The following PGAP4 variants were observed in gnomAD, a reference collection of about 807,000 sequenced individuals.
PGAP4 encodes the protein GPI-N-acetylgalactosamine transferase PGAP4.
A neutral mutation model predicts 28.2 loss-of-function variants in PGAP4; 12 were observed. That is an observed-to-expected ratio of 0.42 (90% CI 0.27 to 0.69). PGAP4 has a LOEUF of 0.69. Ranked by LOEUF, PGAP4 falls within the 30% of genes least tolerant of loss-of-function variation. PGAP4 has a pLI of 0.22. For missense variants in PGAP4, 425 were observed against 513.5 expected (o/e 0.83, Z 1.67); for synonymous variants, 205 against 211.8 (o/e 0.97, Z 0.28).
chr9:101,506,952 G>T (rs13284984), intron 2 of PGAP4, among the ~76,000 whole-genome samples: 1 of 151,852 alleles, frequency 6.6e-6, no homozygotes, highest in African/African-American at 2.4e-5. Context: ...CCATTTTCCC[G>T]TGGTTCCAAA....
At position 101,523,619 on chromosome 9, in the gene PGAP4, C is replaced by CTTTTTTTTTTTTTTTTTTT. The variant is rs71356369; in HGVS notation, c.-165+7710_-165+7728dup. Among the ~76,000 whole-genome samples, 144 of 59,336 alleles carry CTTTTTTTTTTTTTTTTTTT rather than the reference C, an allele frequency of 2.4e-3. 18 individuals carry two copies. Among genetic ancestry groups the CTTTTTTTTTTTTTTTTTTT allele is most frequent in the East Asian group, 3.8e-3 (9 of 2,394 alleles). 38.9% of individuals were successfully genotyped at this position (59,336 alleles called of 152,430 possible). On this transcript the variant is annotated intron_variant, in intron 2 of 3. Transcript: ENST00000374851. ...ACATTTCTCCCCTCACTTCTTGTAT[C>CTTTTTTTTTTTTTTTTTTT]TTTTTTTTTTTTTTTTTTTTTTTTT... is the stretch of plus-strand genomic sequence containing the variant.
chr9:101,526,126 C>T (rs575890793), intron 2 of PGAP4, among the ~76,000 whole-genome samples: 1 of 152,198 alleles, frequency 6.6e-6, no homozygotes, highest in South Asian at 2.1e-4. Context: ...CATATTTTAG[C>T]ATTTAACAGC....
At chr9:101,481,735 G>A (rs1361367802) in intron 1 of PGAP4, among the ~76,000 whole-genome samples, 3 of 152,168 alleles carry the variant, frequency 2.0e-5, no homozygotes, top group South Asian at 2.1e-4. Flanking sequence ...CACAATACCA[G>A]GGTGTGAGTC....
chr9:101,491,402 C>G (rs952055033), upstream of PGAP4, among the ~76,000 whole-genome samples: 3 of 152,038 alleles, frequency 2.0e-5, no homozygotes, highest in African/African-American at 7.2e-5. Flanking sequence ...ACAGTTTGAG[C>G]ACTTAACATG....
Position 101,476,198 on chromosome 9 carries a change from G to C in PGAP4, c.895C>G (p.Leu299Val). The change falls in exon 2 of 2, where the codon CTG becomes GTG. Residue 299 changes from leucine (L) to valine (V), a missense_variant. Transcript: ENST00000374848. The surrounding 1 kb of genome is among the most constrained non-coding windows in gnomAD (Gnocchi z 7.0). ...FSWPVMLFFS[L>V]YSMGLVELVG... ...AGCTCCACCAGACCCATGCTATACA[G>C]GGAGAAGAAGAGCATTACAGGCCAG... The C allele has an allele frequency of 6.2e-7, 1 of 1,614,194 alleles. No homozygotes were observed. Among genetic ancestry groups the C allele is most frequent in the Non-Finnish European group, 8.5e-7 (1 of 1,180,046 alleles).
chr9:101,515,798 A>C (rs754912627), intron 2 of PGAP4, among the ~76,000 whole-genome samples: 8 of 152,188 alleles, frequency 5.3e-5, no homozygotes, highest in Non-Finnish European at 7.4e-5. Context: ...TGATATTTTC[A>C]TATCTTTGAA....
chr9:101,487,932 C>T (rs1377527514), upstream of PGAP4, among the ~76,000 whole-genome samples: 3 of 152,108 alleles, frequency 2.0e-5, no homozygotes, highest in Admixed American at 2.0e-4. Flanking sequence ...TGACAGAGAC[C>T]TTATGACCCA....
At position 101,477,920 on chromosome 9, in the gene PGAP4, CG is replaced by C. The variant is rs543881312; in HGVS notation, c.-77-752del. 8.0e-3 allele frequency among the ~76,000 whole-genome samples: 1,189 copies of C among 148,756 alleles called. 14 individuals are homozygous for C. The highest frequency in any genetic ancestry group is 0.028 in the African/African-American group (1,127 of 40,364). On this transcript the variant is annotated intron_variant, in intron 1 of 1. Coordinates refer to ENST00000374848, the MANE Select transcript of PGAP4 (RefSeq NM_032342.3). ...CATGAGTAGCTTTTCAATGAGGGAG[CG>C]GGGGGGGAAAGGCAGAGGTGAATAT...
rs1323492426 is a variant in PGAP4 at position 101,509,161 on chromosome 9, G to A, written c.-164-19961C>T. ...CCCAGTCTGGGGGTCTTTTGTGGTT[G>A]GGAAGTAATGCTCAGACTCTTTTGA... On this transcript the variant is annotated intron_variant, in intron 2 of 3. Transcript: ENST00000374851. 2.0e-5 allele frequency among the ~76,000 whole-genome samples: 3 copies of A among 152,274 alleles called. No individual in the cohort carries two copies. The East Asian group carries it at 5.8e-4, about 29-fold the overall frequency.
chr9:101,493,111 G>A (rs62575811), intron 2 of PGAP4, among the ~76,000 whole-genome samples: 13,205 of 151,844 alleles, frequency 0.087, 631 homozygotes, highest in Middle Eastern at 0.14. Flanking sequence ...AAAATTAGCC[G>A]GGTGTGGTGG....
At chr9:101,499,047 C>T (rs1255471091) in intron 2 of PGAP4, among the ~76,000 whole-genome samples, 2 of 151,690 alleles carry the variant, frequency 1.3e-5, no homozygotes, top group Admixed American at 6.6e-5. Context: ...CCTCACAGAC[C>T]GAATGTAAAT....
intron 2 of PGAP4, among the ~76,000 whole-genome samples, chr9:101,510,369 T>C (rs959802400): frequency 2.0e-5 from 3 of 150,248 alleles, no homozygotes; most frequent in Non-Finnish European, 4.4e-5. Flanking sequence ...ATTGCTTCTG[T>C]TCGTTATGTT....
In PGAP4 at chr9:101,486,623, C is replaced by A. The variant is rs1826621290; in HGVS notation, c.-78+326G>T. On this transcript the variant is annotated intron_variant, in intron 1 of 1. Coordinates refer to ENST00000374848, the MANE Select transcript of PGAP4 (RefSeq NM_032342.3). The surrounding 1 kb of genome is among the most constrained non-coding windows in gnomAD (Gnocchi z 4.7). ...TCTATTGACCTGTCAGCGCAGCTGG[C>A]GCAGGCAAGGGCCAGGGAGGCGCCC... 1.3e-5 allele frequency among the ~76,000 whole-genome samples: 2 copies of A among 152,174 alleles called. No individual in the cohort carries two copies. The highest frequency in any genetic ancestry group is 2.1e-4 in the South Asian group (1 of 4,834).
chr9:101,514,744 A>T (rs1328567631), intron 2 of PGAP4, among the ~76,000 whole-genome samples: 1 of 152,100 alleles, frequency 6.6e-6, no homozygotes, highest in Non-Finnish European at 1.5e-5. Context: ...ATAAGGTGGC[A>T]CCTCTCTCAT....
At chr9:101,524,753 G>T (rs998610123) in intron 2 of PGAP4, among the ~76,000 whole-genome samples, 6 of 152,160 alleles carry the variant, frequency 3.9e-5, no homozygotes, top group Non-Finnish European at 4.4e-5. Flanking sequence ...CTTCAGTGAG[G>T]GTATGTGTTC....
exon 1 of PGAP4, chr9:101,533,287 C>T (rs1041272705): frequency 3.9e-5 from 6 of 152,002 alleles, no homozygotes; most frequent in African/African-American, 1.4e-4. Context: ...ATGAGGGGAA[C>T]GCTTTTTTAA....
intron 2 of PGAP4, among the ~76,000 whole-genome samples, chr9:101,527,258 GC>G (rs1255773317): frequency 1.3e-5 from 2 of 152,270 alleles, no homozygotes; most frequent in Middle Eastern, 3.4e-3. Context: ...AATGTAATCA[GC>G]CTTTTTCTTT....
Position 101,530,729 on chromosome 9 carries a change from A to G in PGAP4, c.-165+619T>C, listed in dbSNP as rs539222295. 7.2e-5 allele frequency among the ~76,000 whole-genome samples: 11 copies of G among 152,330 alleles called. No individual in the cohort carries two copies. In the East Asian group the frequency reaches 1.7e-3, roughly 24 times the overall value. ...TGAGACAGGCTACTTTGAAGATGTC[A>G]GATGGCTGACTGAGGTGCTCAGAAA... is the stretch of plus-strand genomic sequence containing the variant. On this transcript the variant is annotated intron_variant, in intron 2 of 3. Transcript: ENST00000374851.
chr9:101,504,560 C>T (rs2118598132), intron 2 of PGAP4, among the ~76,000 whole-genome samples: 1 of 152,002 alleles, frequency 6.6e-6, no homozygotes, highest in South Asian at 2.1e-4. Flanking sequence ...TCTCTCAGGT[C>T]CAAGCTCTGC....
Sources: gnomAD v4.1 joint callset for allele counts (sites outside exome capture counted in the v4.1 genomes callset) on GRCh38, gnomAD v4.1.1 for gene constraint, Gnocchi (gnomAD v3.1) non-coding constraint, MANE v1.5 for transcripts, NCBI Gene and HGNC (gene_info 2026-07-23, HGNC 2026-07-21) for gene names.